SHISAL1: variants seen among roughly 807,000 people sequenced by gnomAD.
SHISAL1 encodes the protein shisa like 1, also known as protein shisa-like-1.
SHISAL1 carries 9 observed loss-of-function variants against 22.6 expected under a neutral mutation model. The ratio of observed to expected loss-of-function variants is 0.40; its 90% CI spans 0.24 to 0.70. The LOEUF (loss-of-function observed/expected upper bound fraction) is 0.70. SHISAL1 is among the 30% of genes least tolerant of loss of function. The probability of loss-of-function intolerance (pLI) is 0.39; values close to 1 mark genes in which losing one functional copy is unlikely to be tolerated. For missense variants in SHISAL1, 246 were observed against 270.6 expected (o/e 0.91, Z 0.64); for synonymous variants, 119 against 115.4 (o/e 1.03, Z -0.20).
intron 4 of SHISAL1, among the ~76,000 whole-genome samples, chr22:44,258,262 G>A (rs772398349): frequency 1.3e-5 from 2 of 152,104 alleles, no homozygotes; most frequent in Non-Finnish European, 1.5e-5. Flanking sequence ...AGCCAAGATC[G>A]CACCACTGCA....
At chr22:44,269,571 C>G (rs1306104374) in intron 4 of SHISAL1, among the ~76,000 whole-genome samples, 1 of 147,058 alleles carries the variant, frequency 6.8e-6, no homozygotes, top group African/African-American at 2.5e-5. Flanking sequence ...ACACACTACA[C>G]CATGCCAGAT....
At position 44,249,622 on chromosome 22, in the gene SHISAL1, C is replaced by T. The variant is rs373445912; in HGVS notation, c.*63G>A. 27 of 776,942 alleles carry T rather than the reference C, an allele frequency of 3.5e-5. No individual in the cohort carries two copies. Among genetic ancestry groups the T allele is most frequent in the African/African-American group, 2.2e-4 (13 of 58,888 alleles). The allele number at this position is 776,942 out of a possible 1,614,324, so 48.1% of individuals were successfully genotyped here. A position where few individuals can be genotyped will look rare whatever the true frequency, so the allele number is the denominator to read the frequency against. ...GCATCTCTGTAGAAGTTGTTCTTCT[C>T]GGAGGCTGCACCGGGTGCTTCAGAT... is the stretch of plus-strand genomic sequence containing the variant. On this transcript the variant is annotated 3_prime_UTR_variant, in exon 5 of 5. Coordinates refer to ENST00000381176, the MANE Select transcript of SHISAL1 (RefSeq NM_001099294.2).
intron 4 of SHISAL1, among the ~76,000 whole-genome samples, chr22:44,274,055 C>A (rs970052250): frequency 2.0e-5 from 3 of 148,692 alleles, no homozygotes; most frequent in Non-Finnish European, 4.5e-5. Context: ...CCCGGCCCCC[C>A]CCTCCCCCCC....
intron 4 of SHISAL1, among the ~76,000 whole-genome samples, chr22:44,265,531 CCCCCAAGCCAGGAGA>C (rs2055156002): frequency 1.3e-5 from 2 of 152,230 alleles, no homozygotes; most frequent in South Asian, 2.1e-4. Flanking sequence ...TCCTGAGAGA[CCCCCAAGCCAGGAGA>C]CTCCAAGCCA....
At chr22:44,324,686 G>A in the SHISAL1 span, among the ~76,000 whole-genome samples, 7 of 152,212 alleles carry the variant, frequency 4.6e-5, no homozygotes, top group African/African-American at 1.7e-4. Flanking sequence ...AGCAAGCAGC[G>A]GAGACTTGTC....
At chr22:44,309,072 T>C (rs1298250245) in intron 1 of SHISAL1, among the ~76,000 whole-genome samples, 2 of 152,146 alleles carry the variant, frequency 1.3e-5, no homozygotes, top group Non-Finnish European at 2.9e-5. Flanking sequence ...AACCTGCCCA[T>C]GGGGCCTGGC....
In SHISAL1 at chr22:44,310,933, C is replaced by T. The variant is rs1481095416; in HGVS notation, c.-33+1818G>A. Among the ~76,000 whole-genome samples, 1 of 152,094 alleles carries T rather than the reference C, an allele frequency of 6.6e-6. No individual in the cohort carries two copies. Among genetic ancestry groups the T allele is most frequent in the East Asian group, 1.9e-4 (1 of 5,182 alleles). On this transcript the variant is annotated intron_variant, in intron 1 of 4. Coordinates refer to ENST00000381176, the MANE Select transcript of SHISAL1 (RefSeq NM_001099294.2). This position sits in a 1 kb window ranked among gnomAD's most constrained non-coding sequence, Gnocchi z 4.0. ...AGGTGCTGAATAAATGTCTGCCGGC[C>T]ATAGAGTAGGAACTCCATTAGCACT...
chr22:44,301,666 G>A (rs777375821), intron 1 of SHISAL1, among the ~76,000 whole-genome samples: 7 of 152,150 alleles, frequency 4.6e-5, no homozygotes, highest in African/African-American at 1.4e-4. Flanking sequence ...TGTGCCCATC[G>A]AGGGATGGAT....
Position 44,299,307 on chromosome 22 carries a change from G to A in SHISAL1, c.67+1572C>T, listed in dbSNP as rs2055409596. ...CTCAACCATGAACGCACCCCTGTGT[G>A]CACAGCTCCACGTAACTCCTGCATC... On this transcript the variant is annotated intron_variant, in intron 2 of 4. Coordinates refer to ENST00000381176, the MANE Select transcript of SHISAL1 (RefSeq NM_001099294.2). Among the ~76,000 whole-genome samples the A allele has an allele frequency of 2.0e-5, 3 of 152,238 alleles. No homozygotes were observed. The South Asian group carries it at 6.2e-4, about 32-fold the overall frequency.
intron 1 of SHISAL1, among the ~76,000 whole-genome samples, chr22:44,306,652 C>T (rs2055478398): frequency 7.5e-6 from 1 of 133,574 alleles, no homozygotes. Flanking sequence ...TGGAGGGGAC[C>T]TGGGCTCGGG....
the SHISAL1 span, among the ~76,000 whole-genome samples, chr22:44,323,455 T>C: frequency 2.2e-3 from 190 of 84,798 alleles, 1 homozygote; most frequent in African/African-American, 4.8e-3. Flanking sequence ...CATCCATCCA[T>C]CCATTCATCC....
At chr22:44,319,194 G>A in the SHISAL1 span, among the ~76,000 whole-genome samples, 9 of 152,236 alleles carry the variant, frequency 5.9e-5, no homozygotes, top group Non-Finnish European at 1.2e-4. Context: ...GAGCACCTCC[G>A]ATGTGTTCAG....
chr22:44,280,941 A>T (rs1312526642), intron 4 of SHISAL1, among the ~76,000 whole-genome samples: 1 of 152,080 alleles, frequency 6.6e-6, no homozygotes, highest in African/African-American at 2.4e-5. Context: ...CAACCATGAG[A>T]GCGGCACCTC....
intron 4 of SHISAL1, among the ~76,000 whole-genome samples, chr22:44,274,798 G>A (rs549126258): frequency 2.6e-5 from 4 of 152,274 alleles, no homozygotes; most frequent in South Asian, 4.1e-4. Flanking sequence ...GATCCCGAGC[G>A]GCTTTTCTTT....
At chr22:44,291,276 A>G (rs1302351142) in intron 3 of SHISAL1, among the ~76,000 whole-genome samples, 1 of 152,216 alleles carries the variant, frequency 6.6e-6, no homozygotes, top group African/African-American at 2.4e-5. Context: ...AGTATGAGCC[A>G]AAAGGAAGCC....
chr22:44,261,602 G>T (rs2055124831), intron 4 of SHISAL1, among the ~76,000 whole-genome samples: 1 of 152,238 alleles, frequency 6.6e-6, no homozygotes, highest in Admixed American at 6.5e-5. Flanking sequence ...GCCCAGTGGG[G>T]CTATCGCTCC....
intron 1 of SHISAL1, among the ~76,000 whole-genome samples, chr22:44,308,372 G>A (rs1278622199): frequency 3.9e-5 from 6 of 152,190 alleles, no homozygotes; most frequent in East Asian, 1.9e-4. Context: ...GGCTGCGCTC[G>A]CACCTGAGGC....
chr22:44,283,488 C>T (rs2055290523), intron 4 of SHISAL1, among the ~76,000 whole-genome samples: 1 of 152,162 alleles, frequency 6.6e-6, no homozygotes, highest in Non-Finnish European at 1.5e-5. Flanking sequence ...GGAACTGCTG[C>T]TGAGACAGGC....
intron 4 of SHISAL1, among the ~76,000 whole-genome samples, chr22:44,278,660 G>T (rs1250064383): frequency 1.3e-5 from 2 of 152,190 alleles, no homozygotes; most frequent in Non-Finnish European, 2.9e-5. Flanking sequence ...ACAGAGAGGG[G>T]TCAAGGAGTT....
Sources: gnomAD v4.1 joint callset for allele counts (sites outside exome capture counted in the v4.1 genomes callset) on GRCh38, gnomAD v4.1.1 for gene constraint, Gnocchi (gnomAD v3.1) non-coding constraint, MANE v1.5 for transcripts, NCBI Gene and HGNC (gene_info 2026-07-23, HGNC 2026-07-21) for gene names.